The following HSPA4L variants were observed in gnomAD, a reference collection of about 807,000 sequenced individuals.
HSPA4L encodes the protein heat shock protein family A (Hsp70) member 4 like.
A neutral mutation model predicts 100.3 loss-of-function variants in HSPA4L; 48 were observed. That is an observed-to-expected ratio of 0.48 (90% CI 0.38 to 0.61). The LOEUF (loss-of-function observed/expected upper bound fraction) is 0.61. Among genes scored for constraint, HSPA4L ranks in the 20% least tolerant of loss-of-function variants. The pLI is 0.00. For missense variants in HSPA4L, 886 were observed against 988.6 expected (o/e 0.90, Z 1.39); for synonymous variants, 319 against 328.2 (o/e 0.97, Z 0.30).
chr4:127,836,940 A>G lies in HSPA4L; in HGVS notation c.*4066A>G, dbSNP rs1193246686. On this transcript the variant is annotated 3_prime_UTR_variant, in exon 19 of 19. Coordinates refer to ENST00000296464, the MANE Select transcript of HSPA4L (RefSeq NM_014278.4). ...CTTTCTCAGTTTTTAAAAGTTTACA[A>G]AATTTTTTTTTTTGTTTTGAGACAG... The G allele has an allele frequency of 2.0e-5, 3 of 151,960 alleles. No homozygotes were observed. The highest frequency in any genetic ancestry group is 6.6e-5 in the Admixed American group (1 of 15,248). The allele number at this position is 151,960 out of a possible 1,614,324, so 9.4% of individuals were successfully genotyped here.
chr4:127,799,199 T>C (rs1733106069), intron 4 of HSPA4L, among the ~76,000 whole-genome samples: 2 of 152,166 alleles, frequency 1.3e-5, no homozygotes, highest in Non-Finnish European at 2.9e-5. Context: ...TTCCTACTAT[T>C]CAACTTGACT....
chr4:127,792,536 G>C (rs1197066536), intron 1 of HSPA4L, among the ~76,000 whole-genome samples: 2 of 152,182 alleles, frequency 1.3e-5, no homozygotes, highest in Non-Finnish European at 2.9e-5. Flanking sequence ...CACCTGAGAT[G>C]TGACTAGTCC....
intron 11 of HSPA4L, among the ~76,000 whole-genome samples, chr4:127,810,684 G>C (rs1174724969): frequency 2.6e-5 from 4 of 152,074 alleles, no homozygotes; most frequent in Non-Finnish European, 5.9e-5. Context: ...CTTGAGCCTG[G>C]GAGTTTGAGG....
At chr4:127,805,587 A>G in intron 9 of HSPA4L, 100 bp from the exon 10 acceptor site, 1 of 799,346 alleles carries the variant, frequency 1.3e-6, no homozygotes, top group Non-Finnish European at 1.9e-6. Flanking sequence ...TTAAAATGTA[A>G]CAGTTGTAAT....
intron 16 of HSPA4L, among the ~76,000 whole-genome samples, chr4:127,824,123 C>G (rs571920000): frequency 1.3e-5 from 2 of 152,312 alleles, no homozygotes; most frequent in Admixed American, 6.5e-5. Flanking sequence ...GCTTATTTCA[C>G]TTAGCATAAT....
At position 127,782,529 on chromosome 4, in the gene HSPA4L, AGCCC is replaced by A; in HGVS notation, c.-20_-17del. ...CCGTACCGAAGGGTTCAGTACCAGC[AGCCC>A]GACCATCACGCGGCGGGATGTCTGT... On this transcript the variant is annotated 5_prime_UTR_variant, in exon 1 of 19. Coordinates refer to ENST00000296464, the MANE Select transcript of HSPA4L (RefSeq NM_014278.4). The A allele has an allele frequency of 6.2e-7, 1 of 1,601,402 alleles. No individual in the cohort carries two copies. The highest frequency in any genetic ancestry group is 8.6e-7 in the Non-Finnish European group (1 of 1,168,504).
chr4:127,808,177 ATGTGTT>A, intron 11 of HSPA4L, 48 bp downstream of exon 11: 1 of 1,470,316 alleles, frequency 6.8e-7, no homozygotes, highest in South Asian at 1.3e-5. Flanking sequence ...TTTATAAATA[ATGTGTT>A]ATTTTAGAAT....
chr4:127,806,555 C>A (rs1000734506), intron 10 of HSPA4L, among the ~76,000 whole-genome samples: 9 of 151,860 alleles, frequency 5.9e-5, no homozygotes, highest in Non-Finnish European at 1.2e-4. Flanking sequence ...ATTGAACATG[C>A]CAATATTTTA....
In HSPA4L at chr4:127,803,936, G is replaced by T. The variant is rs111514237; in HGVS notation, c.908+63G>T. ...ATTTTATAATGTTTAGATCACGTCT[G>T]ATTTGTTTGTTGTTTTAGAAGATAC... On this transcript the variant is annotated intron_variant, in intron 7 of 18. Coordinates refer to ENST00000296464, the MANE Select transcript of HSPA4L (RefSeq NM_014278.4). 82 of 1,607,258 alleles carry T rather than the reference G, an allele frequency of 5.1e-5. No homozygotes were observed. The African/African-American group carries it at 9.2e-4, about 18-fold the overall frequency.
At chr4:127,809,599 A>G in intron 11 of HSPA4L, 2 of 619,528 alleles carry the variant, frequency 3.2e-6, no homozygotes, top group Admixed American at 4.7e-5. Flanking sequence ...TTGTTTGTTA[A>G]AGGAATGTGT....
chr4:127,818,263 T>C, intron 12 of HSPA4L, 62 bp from the exon 13 acceptor site: 3 of 1,150,536 alleles, frequency 2.6e-6, no homozygotes, highest in South Asian at 1.3e-5. Flanking sequence ...AAGATGCAGT[T>C]TACATTTTTA....
At chr4:127,812,697 ATT>A (rs376898760) in intron 12 of HSPA4L, 3,467 of 684,372 alleles carry the variant, frequency 5.1e-3, no homozygotes, top group South Asian at 7.7e-3. Context: ...GAGGTCCTTT[ATT>A]TTTTTTTTTT....
chr4:127,825,479 TTAAAAG>T (rs1238750087), intron 16 of HSPA4L, among the ~76,000 whole-genome samples: 2 of 152,178 alleles, frequency 1.3e-5, no homozygotes, highest in African/African-American at 2.4e-5. Flanking sequence ...GTTACTCAAC[TTAAAAG>T]TAAAAGAAGT....
chr4:127,836,305 TG>T lies in HSPA4L; in HGVS notation c.*3432del, dbSNP rs1417763888. 6.5e-6 allele frequency: 1 copy of T among 152,850 alleles called. No homozygotes were observed. The highest frequency in any genetic ancestry group is 1.5e-5 in the Non-Finnish European group (1 of 68,696). 9.5% of individuals were successfully genotyped at this position (152,850 alleles called of 1,614,324 possible). On this transcript the variant is annotated 3_prime_UTR_variant, in exon 19 of 19. Transcript: ENST00000296464. ...TGGTGTGAACCCAGGAGGCGGAGGT[TG>T]CAGTGAGCCGAGATCGCGCCACTGC...
chr4:127,821,223 G>T (rs2148796465), intron 14 of HSPA4L, among the ~76,000 whole-genome samples: 1 of 152,186 alleles, frequency 6.6e-6, no homozygotes, highest in African/African-American at 2.4e-5. Flanking sequence ...GTTAAAGGCT[G>T]CATTTTATGT....
intron 4 of HSPA4L, among the ~76,000 whole-genome samples, chr4:127,800,307 G>GT (rs973629319): frequency 1.1e-4 from 16 of 150,488 alleles, no homozygotes; most frequent in Non-Finnish European, 1.6e-4. Flanking sequence ...GTTTTGTTTT[G>GT]TTTTTTTTTA....
At position 127,833,798 on chromosome 4, in the gene HSPA4L, A is replaced by G. The variant is rs551010958; in HGVS notation, c.*924A>G. Reference sequence around the variant, plus strand: ...AAGAAGTGGCACAGTGTATTGCATTATATACATTTATCATTGATTTACCTA... The same window carrying G: ...AAGAAGTGGCACAGTGTATTGCATTGTATACATTTATCATTGATTTACCTA... On this transcript the variant is annotated 3_prime_UTR_variant, in exon 19 of 19. Coordinates refer to ENST00000296464, the MANE Select transcript of HSPA4L (RefSeq NM_014278.4). 7.2e-5 allele frequency: 11 copies of G among 152,296 alleles called. No individual in the cohort carries two copies. The highest frequency in any genetic ancestry group is 2.6e-4 in the African/African-American group (11 of 41,570). 9.4% of individuals were successfully genotyped at this position (152,296 alleles called of 1,614,324 possible). A position where few individuals can be genotyped will look rare whatever the true frequency, so the allele number is the denominator to read the frequency against.
rs950320007 is a variant in HSPA4L at position 127,813,315 on chromosome 4, C to T, written c.1578+1679C>T. On this transcript the variant is annotated intron_variant, in intron 12 of 18. Transcript: ENST00000296464. ...TGCTTTTTGTTTTTATTAATAATTACTATGCATCTTTCTTCCAAATTGATC... is the reference window on the plus strand; with the variant it reads ...TGCTTTTTGTTTTTATTAATAATTATTATGCATCTTTCTTCCAAATTGATC... 4 of 650,690 alleles carry T rather than the reference C, an allele frequency of 6.1e-6. No individual in the cohort carries two copies. In the African/African-American group the frequency reaches 7.3e-5, roughly 12 times the overall value. The allele number at this position is 650,690 out of a possible 1,614,324, so 40.3% of individuals were successfully genotyped here.
chr4:127,782,955 T>G (rs547823380), intron 1 of HSPA4L, among the ~76,000 whole-genome samples: 26 of 152,280 alleles, frequency 1.7e-4, no homozygotes, highest in East Asian at 7.7e-4. Context: ...ACGCCTCTTT[T>G]GCTTGCGAGG....
Sources: gnomAD v4.1 joint callset for allele counts (sites outside exome capture counted in the v4.1 genomes callset) on GRCh38, gnomAD v4.1.1 for gene constraint, MANE v1.5 for transcripts, NCBI Gene and HGNC (gene_info 2026-07-23, HGNC 2026-07-21) for gene names.